The following BCLAF1 variants were observed in gnomAD, a reference collection of about 807,000 sequenced individuals.
The protein encoded by BCLAF1 is BCL2 associated transcription factor 1.
BCLAF1 carries 10 observed loss-of-function variants against 99.5 expected under a neutral mutation model. That is an observed-to-expected ratio of 0.10 (90% CI 0.06 to 0.17). The LOEUF (loss-of-function observed/expected upper bound fraction) is 0.17, where lower values mean the gene tolerates loss of function less well. BCLAF1 is among the 10% of genes least tolerant of loss of function. The pLI is 1.00. For synonymous variants in BCLAF1, 255 were observed against 370.9 expected, an observed-to-expected ratio of 0.69 and a Z score of 3.59; for missense variants, 636 against 1,105.8, an observed-to-expected ratio of 0.58 and a Z score of 6.02.
Position 136,259,095 on chromosome 6 carries a change from A to C in BCLAF1, c.*2015T>G, listed in dbSNP as rs1780669033. 6.6e-6 allele frequency: 1 copy of C among 152,084 alleles called. No individual in the cohort carries two copies. The highest frequency in any genetic ancestry group is 1.5e-5 in the Non-Finnish European group (1 of 67,884). The allele number at this position is 152,084 out of a possible 1,614,324, so 9.4% of individuals were successfully genotyped here. On this transcript the variant is annotated 3_prime_UTR_variant, in exon 13 of 13. Coordinates refer to ENST00000531224, the MANE Select transcript of BCLAF1 (RefSeq NM_014739.3). ...CTTTTTATATGCTTGGATCTGAAAAAGGTAACATCCACAATGACATTCTAT... is the reference window on the plus strand; with the variant it reads ...CTTTTTATATGCTTGGATCTGAAAACGGTAACATCCACAATGACATTCTAT...
chr6:136,287,280 A>AG (rs1361065002), intron 1 of BCLAF1, among the ~76,000 whole-genome samples: 1 of 152,110 alleles, frequency 6.6e-6, no homozygotes, highest in African/African-American at 2.4e-5. Flanking sequence ...ACTGCACTCC[A>AG]GCCCGGGCTA....
chr6:136,286,824 CGGGCGTGGTG>C (rs982449562), intron 1 of BCLAF1, among the ~76,000 whole-genome samples: 1 of 152,116 alleles, frequency 6.6e-6, no homozygotes, highest in African/African-American at 2.4e-5. Flanking sequence ...AAAAATTAGA[CGGGCGTGGTG>C]GCAGGCGCCT....
chr6:136,269,427 G>T lies in BCLAF1; in HGVS notation c.2219+10C>A. The T allele has an allele frequency of 6.2e-7, 1 of 1,602,068 alleles. No homozygotes were observed. The highest frequency in any genetic ancestry group is 8.5e-7 in the Non-Finnish European group (1 of 1,175,246). ...AGCTAAAACCTATCTTAGTCAGTTT[G>T]AACAATTACCTGTCATCTTTGTAAG... On this transcript the variant is annotated intron_variant, in intron 9 of 12. Transcript: ENST00000531224.
Position 136,270,546 on chromosome 6 carries a change from A to C in BCLAF1, c.2044-934T>G, listed in dbSNP as rs555646905. 3.6e-4 allele frequency among the ~76,000 whole-genome samples: 55 copies of C among 151,946 alleles called. 1 individual carries two copies. Among genetic ancestry groups the C allele is most frequent in the Admixed American group, 2.9e-3 (44 of 15,222 alleles). On this transcript the variant is annotated intron_variant, in intron 8 of 12. Transcript: ENST00000531224. ...TATCTCCAAATGATATCAACTACTC[A>C]CCTATTTGCTCCCAGAGTCACAAAG...
chr6:136,261,235 C>CTT, intron 12 of BCLAF1, 30 bp downstream of exon 12: 1 of 1,601,600 alleles, frequency 6.2e-7, no homozygotes, highest in South Asian at 1.1e-5. Context: ...CAAAAAAAAT[C>CTT]TGTCAGAATC....
chr6:136,268,462 A>C, intron 9 of BCLAF1, 123 bp from the exon 10 acceptor site: 1 of 882,426 alleles, frequency 1.1e-6, no homozygotes, highest in Non-Finnish European at 1.7e-6. Context: ...TTATGTAAAT[A>C]AAATAATTGG....
chr6:136,271,227 G>A (rs1487529472), intron 8 of BCLAF1, among the ~76,000 whole-genome samples: 2 of 151,904 alleles, frequency 1.3e-5, no homozygotes, highest in East Asian at 3.9e-4. Context: ...AGTACTTAGT[G>A]ACAGCCAGAA....
chr6:136,266,213 T>C (rs1781695287), intron 11 of BCLAF1, among the ~76,000 whole-genome samples: 1 of 152,068 alleles, frequency 6.6e-6, no homozygotes, highest in Admixed American at 6.6e-5. Flanking sequence ...AATATACTCA[T>C]AAAAAGCCAA....
At position 136,289,333 on chromosome 6, in the gene BCLAF1, G is replaced by A. The variant is rs374564120; in HGVS notation, c.-115+380C>T. On this transcript the variant is annotated intron_variant, in intron 1 of 12. Transcript: ENST00000531224. ...CCGTCGGCGCCATAGGCGGGGGAGAGAAAAATGAACGAGCGCGCGTGCGCG... is the reference window on the plus strand; with the variant it reads ...CCGTCGGCGCCATAGGCGGGGGAGAAAAAAATGAACGAGCGCGCGTGCGCG... 2.0e-5 allele frequency among the ~76,000 whole-genome samples: 3 copies of A among 152,248 alleles called. No individual in the cohort carries two copies. The South Asian group carries it at 6.2e-4, about 31-fold the overall frequency.
At chr6:136,267,944 A>G (rs1781950736) in intron 10 of BCLAF1, among the ~76,000 whole-genome samples, 2 of 151,964 alleles carry the variant, frequency 1.3e-5, no homozygotes, top group Non-Finnish European at 2.9e-5. Context: ...TCTCGAAGTC[A>G]AGAAAAGTAC....
chr6:136,282,655 T>C lies in BCLAF1; in HGVS notation c.-82A>G, dbSNP rs1306060891. The C allele has an allele frequency of 6.6e-6, 1 of 152,166 alleles. No individual in the cohort carries two copies. Among genetic ancestry groups the C allele is most frequent in the Non-Finnish European group, 1.5e-5 (1 of 68,014 alleles). 9.4% of individuals were successfully genotyped at this position (152,166 alleles called of 1,614,324 possible). A position where few individuals can be genotyped will look rare whatever the true frequency, so the allele number is the denominator to read the frequency against. ...CTGTAAAAATTCTTCCTGGAGAGAATGCTCTGAGAAATTAAACTCTAAATT... is the reference window on the plus strand; with the variant it reads ...CTGTAAAAATTCTTCCTGGAGAGAACGCTCTGAGAAATTAAACTCTAAATT... On this transcript the variant is annotated 5_prime_UTR_variant, in exon 2 of 13. Transcript: ENST00000531224.
chr6:136,278,682 T>C lies in BCLAF1; in HGVS notation c.199A>G (p.Met67Val). ...CCTCTGTACCCATAAGGTCGTCTCA[T>C]TCCTCTATTATTTCTGTAATCGCGA... is the stretch of plus-strand genomic sequence containing the variant. ...YRRDYRNNRG[M>V]RRPYGYRGRG... Residue 67 changes from methionine to valine, a missense_variant, in exon 4 of 13, where the codon ATG becomes GTG. Transcript: ENST00000531224. 1 of 1,613,466 alleles carries C rather than the reference T, an allele frequency of 6.2e-7. No homozygotes were observed. Among genetic ancestry groups the C allele is most frequent in the Non-Finnish European group, 8.5e-7 (1 of 1,179,860 alleles).
Position 136,276,527 on chromosome 6 carries a change from G to A in BCLAF1, c.1017-19C>T. On this transcript the variant is annotated intron_variant, in intron 4 of 12. Coordinates refer to ENST00000531224, the MANE Select transcript of BCLAF1 (RefSeq NM_014739.3). ...TGTGAACCTGCGAATAAGCAAAGAA[G>A]AGGATAGTAACTCTGGATTGCATTC... The A allele has an allele frequency of 2.5e-6, 4 of 1,574,236 alleles. No homozygotes were observed. The highest frequency in any genetic ancestry group is 3.4e-6 in the Non-Finnish European group (4 of 1,165,856).
At chr6:136,268,011 C>T in intron 10 of BCLAF1, 151 bp downstream of exon 10, 1 of 755,660 alleles carries the variant, frequency 1.3e-6, no homozygotes, top group Non-Finnish European at 1.9e-6. Context: ...GAAGACAGCA[C>T]TTCAAACACC....
rs1257197383 is a variant in BCLAF1, at chr6:136,278,120, G to C, written c.761C>G (p.Ala254Gly). Residue 254 changes from alanine (A) to glycine (G), a missense_variant, in exon 4 of 13, where the codon GCA (alanine) becomes GGA (glycine). By Grantham distance (60) the Ala-to-Gly change is moderately conservative. This residue lies in a region of BCLAF1 where 65 missense variants were observed against 90.9 expected (regional missense o/e 0.71). Transcript: ENST00000531224. The part of the protein sequence containing the change: ...DAPMLSTVHS[A>G]KNTPSQHSHS... Reference sequence around the variant, plus strand: ...TGAATGCTGAGAAGGAGTATTTTTTGCAGAGTGAACTGTACTGAGCATGGG... The same window carrying C: ...TGAATGCTGAGAAGGAGTATTTTTTCCAGAGTGAACTGTACTGAGCATGGG... 6.2e-7 allele frequency: 1 copy of C among 1,602,812 alleles called. No homozygotes were observed.
At chr6:136,276,898 T>C (rs989410060) in intron 4 of BCLAF1, among the ~76,000 whole-genome samples, 16 of 152,196 alleles carry the variant, frequency 1.1e-4, no homozygotes, top group African/African-American at 3.9e-4. Context: ...ATTCCAGATA[T>C]TATCTATTAA....
intron 6 of BCLAF1, chr6:136,273,870 T>A: frequency 1.5e-6 from 1 of 664,438 alleles, no homozygotes; most frequent in Non-Finnish European, 2.0e-6. Flanking sequence ...AAATGTAAAA[T>A]AGAAAGACGT....
Position 136,258,217 on chromosome 6 carries a change from T to C in BCLAF1, c.*2893A>G, listed in dbSNP as rs778213089. 2 of 152,124 alleles carry C rather than the reference T, an allele frequency of 1.3e-5. No individual in the cohort carries two copies. Among genetic ancestry groups the C allele is most frequent in the African/African-American group, 4.8e-5 (2 of 41,458 alleles). 9.4% of individuals were successfully genotyped at this position (152,124 alleles called of 1,614,324 possible). A position where few individuals can be genotyped will look rare whatever the true frequency, so the allele number is the denominator to read the frequency against. On this transcript the variant is annotated 3_prime_UTR_variant, in exon 13 of 13. Coordinates refer to ENST00000531224, the MANE Select transcript of BCLAF1 (RefSeq NM_014739.3). ...CTTTTTACTTATTTACTAGCTACTATGTTTTTAGAAAGAGAAGTAATCACC... is the reference window on the plus strand; with the variant it reads ...CTTTTTACTTATTTACTAGCTACTACGTTTTTAGAAAGAGAAGTAATCACC...
rs769250966 is a variant in BCLAF1, at chr6:136,261,278, C to T, written c.2744G>A (p.Arg915His). 4 of 1,613,154 alleles carry T rather than the reference C, an allele frequency of 2.5e-6. No homozygotes were observed. Among genetic ancestry groups the T allele is most frequent in the Admixed American group, 1.7e-5 (1 of 59,886 alleles). The stretch of plus-strand genomic sequence containing the variant: ...GAAATTTTATACCTTTTCTTCCTTG[C>T]GTCTGTCCTTCTTTTCTTCATTATT... ...MENNEEKKDRRKEEKE is the reference protein window; with the variant it reads ...MENNEEKKDRHKEEKE The change falls in exon 12 of 13, where the codon CGC (arginine) becomes CAC (histidine). Residue 915 changes from arginine to histidine, a missense_variant. Around this residue, in one of 9 missense-constraint regions of BCLAF1, gnomAD observed 57 missense variants for 116.7 expected, o/e 0.49. Transcript: ENST00000531224.
Sources: allele counts gnomAD v4.1 joint callset (sites outside exome capture counted in the v4.1 genomes callset), GRCh38; gene constraint gnomAD v4.1.1; regional missense constraint gnomAD v4.1.1; transcripts MANE v1.5; gene names NCBI Gene and HGNC (gene_info 2026-07-23, HGNC 2026-07-21).